U2AF2: variants seen among roughly 807,000 people sequenced by gnomAD.
U2AF2 encodes the protein U2 small nuclear RNA auxiliary factor 2.
U2AF2 carries 6 observed loss-of-function variants against 52.6 expected under a neutral mutation model. The ratio of observed to expected loss-of-function variants is 0.11; its 90% CI spans 0.06 to 0.23. The LOEUF (loss-of-function observed/expected upper bound fraction) is 0.23, where lower values mean the gene tolerates loss of function less well. U2AF2 is among the 10% of genes least tolerant of loss of function. The pLI is 1.00. For missense variants in U2AF2, 222 were observed against 677.1 expected, an observed-to-expected ratio of 0.33 and a Z score of 7.46; for synonymous variants, 284 against 258.2, an observed-to-expected ratio of 1.10 and a Z score of -0.96.
chr19:55,656,409 C>G (rs1185218489), intron 1 of U2AF2, among the ~76,000 whole-genome samples: 1 of 152,210 alleles, frequency 6.6e-6, no homozygotes, highest in Non-Finnish European at 1.5e-5. Context: ...ATGGACTGCT[C>G]AAGAGCATAG....
chr19:55,656,141 T>G (rs1002645593), intron 1 of U2AF2, among the ~76,000 whole-genome samples: 50 of 152,166 alleles, frequency 3.3e-4, no homozygotes, highest in African/African-American at 1.2e-3. Context: ...TCCAATAATA[T>G]TAGAAGTGGG....
intron 1 of U2AF2, among the ~76,000 whole-genome samples, chr19:55,656,804 T>C (rs1258121773): frequency 6.6e-6 from 1 of 152,212 alleles, no homozygotes; most frequent in African/African-American, 2.4e-5. Context: ...GCATGTGGCT[T>C]TGCGTACACT....
intron 11 of U2AF2, 135 bp from the exon 12 acceptor site, chr19:55,673,799 G>A (rs1368598017): frequency 2.4e-6 from 3 of 1,250,626 alleles, no homozygotes; most frequent in Non-Finnish European, 3.3e-6. Context: ...TGCTTACTAA[G>A]GGTCCCTTTC....
rs1408778426 is a variant in U2AF2 at position 55,666,865 on chromosome 19, C to T, written c.743-1642C>T. On this transcript the variant is annotated intron_variant, in intron 7 of 11. Transcript: ENST00000308924. Reference sequence around the variant, plus strand: ...CAGAGCCTGCAGCCTGCCATGCTGCCTGTGGGGAGTCACAGCTGAGTGTGG... The same window carrying T: ...CAGAGCCTGCAGCCTGCCATGCTGCTTGTGGGGAGTCACAGCTGAGTGTGG... 4.6e-5 allele frequency among the ~76,000 whole-genome samples: 7 copies of T among 152,368 alleles called. No homozygotes were observed. In the East Asian group the frequency reaches 1.3e-3, roughly 29 times the overall value.
chr19:55,662,814 G>A (rs1227015685), intron 6 of U2AF2, among the ~76,000 whole-genome samples, 196 bp downstream of exon 6: 1 of 152,058 alleles, frequency 6.6e-6, no homozygotes, highest in East Asian at 1.9e-4. Flanking sequence ...TTTGCTTTCT[G>A]TGTGACCTGA....
Position 55,661,200 on chromosome 19 carries a change from C to T in U2AF2, c.486+11C>T. 1 of 1,579,920 alleles carries T rather than the reference C, an allele frequency of 6.3e-7. No homozygotes were observed. The highest frequency in any genetic ancestry group is 1.3e-5 in the African/African-American group (1 of 74,230). ...TTTGGCATCACTGAGGTACTGCCCT[C>T]CCCTGCCCCCTACCCTCTCCCTTGT... On this transcript the variant is annotated intron_variant, in intron 5 of 11. Transcript: ENST00000308924.
At chr19:55,655,295 T>C (rs1983706996) in intron 1 of U2AF2, 142 bp downstream of exon 1, 2 of 913,704 alleles carry the variant, frequency 2.2e-6, no homozygotes, top group Non-Finnish European at 3.2e-6. Flanking sequence ...GCGCGCCTCG[T>C]TCACGTGACG....
At chr19:55,673,859 G>T (rs562025941) in intron 11 of U2AF2, 75 bp from the exon 12 acceptor site, 17 of 1,544,986 alleles carry the variant, frequency 1.1e-5, no homozygotes, top group Middle Eastern at 1.7e-4. Flanking sequence ...TGCCTTCAGT[G>T]CTGGGGTTGG....
At chr19:55,655,288 C>T (rs1323214484) in intron 1 of U2AF2, 135 bp downstream of exon 1, 2 of 984,966 alleles carry the variant, frequency 2.0e-6, no homozygotes, top group Admixed American at 3.3e-5. Context: ...CCGTGGCGCG[C>T]GCCTCGTTCA....
At chr19:55,661,363 G>A in intron 5 of U2AF2, 174 bp downstream of exon 5, 1 of 630,692 alleles carries the variant, frequency 1.6e-6, no homozygotes, top group Non-Finnish European at 2.4e-6. Context: ...GGCTGGGGGT[G>A]GCCCTCCCTC....
At chr19:55,661,626 C>A in intron 5 of U2AF2, 1 of 168,264 alleles carries the variant, frequency 5.9e-6, no homozygotes, top group East Asian at 1.7e-4. Flanking sequence ...ACGTCCCTCC[C>A]ATGGTCGCTG....
chr19:55,662,603 T>C lies in U2AF2; in HGVS notation c.588T>C (p.Asn196=), dbSNP rs747268877. ...CTGTGCAGATTAACCAGGACAAGAA[T>C]TTTGCCTTTTTGGAGGTGAGCTGGG... ...VLAVQINQDK[N]FAFLEFRSVD... is the part of the protein sequence containing the mutation. The change falls in exon 6 of 12, where the codon AAT becomes AAC. Residue 196 remains asparagine, a synonymous_variant. Transcript: ENST00000308924. 1.9e-6 allele frequency: 3 copies of C among 1,611,864 alleles called. No individual in the cohort carries two copies. The African/African-American group carries it at 4.0e-5, about 22-fold the overall frequency.
intron 11 of U2AF2, 132 bp downstream of exon 11, chr19:55,669,824 CCT>C: frequency 7.4e-7 from 1 of 1,349,208 alleles, no homozygotes; most frequent in South Asian, 1.5e-5. Flanking sequence ...CTCTCTCTCT[CCT>C]CTCGCAGCGC....
chr19:55,672,202 T>C (rs1219726354), intron 11 of U2AF2: 2 of 152,158 alleles, frequency 1.3e-5, no homozygotes, highest in Non-Finnish European at 2.9e-5. Context: ...TTTTCAAATA[T>C]ACTTAAAAGT....
chr19:55,669,039 C>A (rs1429090403), intron 9 of U2AF2, 44 bp from the exon 10 acceptor site: 1 of 1,595,894 alleles, frequency 6.3e-7, no homozygotes, highest in Non-Finnish European at 8.6e-7. Flanking sequence ...GTCCCTGACC[C>A]CACCTCTCCC....
chr19:55,656,182 G>A (rs1212258819), intron 1 of U2AF2, among the ~76,000 whole-genome samples: 2 of 152,198 alleles, frequency 1.3e-5, no homozygotes, highest in Non-Finnish European at 2.9e-5. Flanking sequence ...AAAATCCTCC[G>A]TGTTTCAGTT....
rs149813437 is a variant in U2AF2 at position 55,667,784 on chromosome 19, C to G, written c.743-723C>G. On this transcript the variant is annotated intron_variant, in intron 7 of 11. Transcript: ENST00000308924. ...CAGGGCGTGAAGGGAAGGGACTGAGCTTTTTTTTTTTTTTCCTTTGAGATG... is the reference window on the plus strand; with the variant it reads ...CAGGGCGTGAAGGGAAGGGACTGAGGTTTTTTTTTTTTTTCCTTTGAGATG... 2.8e-5 allele frequency among the ~76,000 whole-genome samples: 4 copies of G among 143,180 alleles called. No homozygotes were observed. The East Asian group carries it at 8.1e-4, about 29-fold the overall frequency. The allele number at this position is 143,180 out of a possible 152,430, so 93.9% of individuals were successfully genotyped here.
rs1453088616 is a variant in U2AF2, at chr19:55,674,605, C to T, written c.*537C>T. 4 of 153,602 alleles carry T rather than the reference C, an allele frequency of 2.6e-5. No homozygotes were observed. Among genetic ancestry groups the T allele is most frequent in the African/African-American group, 7.2e-5 (3 of 41,414 alleles). The allele number at this position is 153,602 out of a possible 1,614,324, so 9.5% of individuals were successfully genotyped here. A position where few individuals can be genotyped will look rare whatever the true frequency, so the allele number is the denominator to read the frequency against. The stretch of plus-strand genomic sequence containing the variant: ...GTAGTTGATTTTTCCTCTTTAGTCT[C>T]CCCCGACCTGCGCCCAGCCCCGTGG... On this transcript the variant is annotated 3_prime_UTR_variant, in exon 12 of 12. Transcript: ENST00000308924.
chr19:55,673,501 C>T (rs570350268), intron 11 of U2AF2, among the ~76,000 whole-genome samples: 1 of 152,242 alleles, frequency 6.6e-6, no homozygotes, highest in East Asian at 1.9e-4. Context: ...TTTTATTCAA[C>T]CTGGGTTTGA....
Sources: allele counts gnomAD v4.1 joint callset (sites outside exome capture counted in the v4.1 genomes callset), GRCh38; gene constraint gnomAD v4.1.1; transcripts MANE v1.5; gene names NCBI Gene and HGNC (gene_info 2026-07-23, HGNC 2026-07-21).